HS3ST4: variants seen among roughly 807,000 people sequenced by gnomAD.
HS3ST4 encodes heparan sulfate-glucosamine 3-sulfotransferase 4.
A neutral mutation model predicts 29.2 loss-of-function variants in HS3ST4; 17 were observed. The ratio of observed to expected loss-of-function variants is 0.58; its 90% CI spans 0.40 to 0.87. The LOEUF is 0.87. Among genes scored for constraint, HS3ST4 ranks in the 40% least tolerant of loss-of-function variants. HS3ST4 has a pLI of 0.00. For synonymous variants in HS3ST4, 314 were observed against 285.7 expected, an observed-to-expected ratio of 1.10 and a Z score of -1.00; for missense variants, 627 against 634.5, an observed-to-expected ratio of 0.99 and a Z score of 0.13.
chr16:25,917,569 A>C (rs1298265213), intron 1 of HS3ST4, among the ~76,000 whole-genome samples: 1 of 152,160 alleles, frequency 6.6e-6, no homozygotes, highest in Non-Finnish European at 1.5e-5. Context: ...TAGGTGGACT[A>C]TGTGGAGTGA....
chr16:26,071,152 G>A (rs1352919321), intron 1 of HS3ST4, among the ~76,000 whole-genome samples: 3 of 151,400 alleles, frequency 2.0e-5, no homozygotes, highest in Non-Finnish European at 2.9e-5. Flanking sequence ...CCCTATAGGC[G>A]TCCCTACACG....
At chr16:25,749,505 G>T (rs1478027240) in intron 1 of HS3ST4, among the ~76,000 whole-genome samples, 1 of 151,884 alleles carries the variant, frequency 6.6e-6, no homozygotes, top group East Asian at 1.9e-4. Context: ...CAAAAAAGAA[G>T]AAGAAGAGAA....
intron 1 of HS3ST4, among the ~76,000 whole-genome samples, chr16:26,051,284 A>G (rs1272529409): frequency 6.6e-6 from 1 of 152,080 alleles, no homozygotes; most frequent in Admixed American, 6.5e-5. Context: ...TTACCCTGCA[A>G]ACCTCAAGCA....
intron 1 of HS3ST4, among the ~76,000 whole-genome samples, chr16:25,754,091 G>A (rs1368003652): frequency 6.6e-6 from 1 of 152,186 alleles, no homozygotes; most frequent in Non-Finnish European, 1.5e-5. Flanking sequence ...TTCTGAGGAA[G>A]TTTTATCTGA....
intron 1 of HS3ST4, among the ~76,000 whole-genome samples, chr16:26,134,467 A>C (rs955647222): frequency 6.7e-6 from 1 of 148,160 alleles, no homozygotes; most frequent in Non-Finnish European, 1.5e-5. Context: ...GGTCCAAGTG[A>C]TTTTCCTGCC....
rs148341309 is a variant in HS3ST4 at position 25,942,661 on chromosome 16, C to G, written c.735-192951C>G. Among the ~76,000 whole-genome samples the G allele has an allele frequency of 6.6e-3, 1,002 of 151,158 alleles. 14 individuals carry two copies. Among genetic ancestry groups the G allele is most frequent in the African/African-American group, 0.023 (958 of 41,060 alleles). ...AGAGGCAGGGTCTTTCTCTGTTGCC[C>G]AGGCTGGAGTGCAGTGGTGTGATTG... On this transcript the variant is annotated intron_variant, in intron 1 of 1. Transcript: ENST00000331351.
intron 1 of HS3ST4, among the ~76,000 whole-genome samples, chr16:26,022,462 A>G (rs904912368): frequency 1.3e-5 from 2 of 152,120 alleles, no homozygotes; most frequent in African/African-American, 4.8e-5. Context: ...TCAAGGGCCC[A>G]CAGTCTTTTT....
In HS3ST4 at chr16:25,778,732, A is replaced by AAGGAGAAGG. The variant is rs1966849968; in HGVS notation, c.734+85590_734+85598dup. On this transcript the variant is annotated intron_variant, in intron 1 of 1. Coordinates refer to ENST00000331351, the MANE Select transcript of HS3ST4 (RefSeq NM_006040.3). ...GGAGGAGAAGCAGGAGAAGGAGGAG[A>AAGGAGAAGG]AGGAGAAGGAGGAGAAGAAGGAGGA... is the stretch of plus-strand genomic sequence containing the variant. Among the ~76,000 whole-genome samples, 3 of 151,660 alleles carry AAGGAGAAGG rather than the reference A, an allele frequency of 2.0e-5. No individual in the cohort carries two copies. In the South Asian group the frequency reaches 6.5e-4, roughly 33 times the overall value.
At chr16:26,010,051 G>A (rs1448434662) in intron 1 of HS3ST4, among the ~76,000 whole-genome samples, 1 of 152,122 alleles carries the variant, frequency 6.6e-6, no homozygotes, top group Non-Finnish European at 1.5e-5. Context: ...TCTGGGCCAG[G>A]CCTAAGTCTA....
intron 1 of HS3ST4, among the ~76,000 whole-genome samples, chr16:25,950,069 G>T (rs781686716): frequency 1.3e-5 from 2 of 152,124 alleles, no homozygotes; most frequent in Admixed American, 6.5e-5. Flanking sequence ...AATTACCTGT[G>T]TCTTACCAGC....
At chr16:26,090,288 A>C (rs1375932574) in intron 1 of HS3ST4, among the ~76,000 whole-genome samples, 1 of 145,966 alleles carries the variant, frequency 6.9e-6, no homozygotes, top group Non-Finnish European at 1.5e-5. Context: ...AAGAGTTGGC[A>C]GATCACGTGA....
chr16:26,083,161 A>G (rs1324174304), intron 1 of HS3ST4, among the ~76,000 whole-genome samples: 3 of 152,218 alleles, frequency 2.0e-5, no homozygotes, highest in African/African-American at 4.8e-5. Context: ...GACAGCACAT[A>G]GAATCACAGC....
chr16:25,854,849 T>G (rs1967559667), intron 1 of HS3ST4, among the ~76,000 whole-genome samples: 1 of 150,988 alleles, frequency 6.6e-6, no homozygotes, highest in African/African-American at 2.4e-5. Flanking sequence ...TCTGAGCCAA[T>G]ATGAGTGAAA....
intron 1 of HS3ST4, among the ~76,000 whole-genome samples, chr16:25,802,176 A>G (rs1275552402): frequency 6.6e-6 from 1 of 152,114 alleles, no homozygotes; most frequent in African/African-American, 2.4e-5. Context: ...GGAGAAAAAC[A>G]AACAGGGAAG....
intron 1 of HS3ST4, among the ~76,000 whole-genome samples, chr16:25,960,914 T>C (rs952632638): frequency 1.1e-4 from 16 of 152,292 alleles, no homozygotes; most frequent in Middle Eastern, 3.4e-3. Flanking sequence ...GGTAGGAAGG[T>C]GAGAAGGCTC....
chr16:25,787,835 A>G (rs553178125), intron 1 of HS3ST4, among the ~76,000 whole-genome samples: 46 of 152,338 alleles, frequency 3.0e-4, no homozygotes, highest in African/African-American at 1.1e-3. Flanking sequence ...TTAAGATGCA[A>G]TGTAAGACTT....
intron 1 of HS3ST4, among the ~76,000 whole-genome samples, chr16:25,971,279 C>T (rs549552124): frequency 1.2e-4 from 18 of 152,326 alleles, no homozygotes; most frequent in Admixed American, 7.2e-4. Context: ...TCACCTGCAA[C>T]ATAACTTGAT....
intron 1 of HS3ST4, among the ~76,000 whole-genome samples, chr16:26,044,775 G>T (rs546821010): frequency 6.6e-6 from 1 of 152,264 alleles, no homozygotes; most frequent in South Asian, 2.1e-4. Flanking sequence ...GAAGTAGGCT[G>T]CTTGCTCAGG....
chr16:25,945,835 C>T (rs904495636), intron 1 of HS3ST4, among the ~76,000 whole-genome samples: 1 of 152,200 alleles, frequency 6.6e-6, no homozygotes, highest in African/African-American at 2.4e-5. Context: ...CAGATACAGG[C>T]TTCCATCTTC....
Sources: allele counts gnomAD v4.1 joint callset (sites outside exome capture counted in the v4.1 genomes callset), GRCh38; gene constraint gnomAD v4.1.1; transcripts MANE v1.5; gene names NCBI Gene and HGNC (gene_info 2026-07-23, HGNC 2026-07-21).